Variants in GMDS observed in about 807,000 individuals in gnomAD.
GMDS encodes GDP-mannose 4,6 dehydratase.
GMDS carries 20 observed loss-of-function variants against 49.9 expected under a neutral mutation model. The observed-to-expected ratio is 0.40, with a 90% CI of 0.28 to 0.58. The LOEUF is 0.58. Ranked by LOEUF, GMDS falls within the 20% of genes least tolerant of loss-of-function variation. GMDS has a pLI of 0.42. For synonymous variants in GMDS, 177 were observed against 178.6 expected (o/e 0.99, Z 0.07); for missense variants, 362 against 481.4 (o/e 0.75, Z 2.32).
At chr6:1,713,366 C>T (rs1766047133) in intron 9 of GMDS, among the ~76,000 whole-genome samples, 1 of 152,224 alleles carries the variant, frequency 6.6e-6, no homozygotes, top group Admixed American at 6.5e-5. Flanking sequence ...GACGACTAGG[C>T]ACAGGCCCTG....
intron 4 of GMDS, among the ~76,000 whole-genome samples, chr6:2,096,248 C>T (rs765869519): frequency 2.0e-5 from 3 of 151,964 alleles, no homozygotes; most frequent in Non-Finnish European, 4.4e-5. Flanking sequence ...TAAAAAGAGG[C>T]GTGAAATGAA....
At chr6:2,057,720 G>T (rs569757534) in intron 4 of GMDS, among the ~76,000 whole-genome samples, 4 of 152,132 alleles carry the variant, frequency 2.6e-5, no homozygotes, top group Non-Finnish European at 5.9e-5. Context: ...ATAATTCATG[G>T]AATTCTTATT....
intron 4 of GMDS, among the ~76,000 whole-genome samples, chr6:1,969,079 G>A (rs1467666693): frequency 6.6e-6 from 1 of 151,692 alleles, no homozygotes; most frequent in East Asian, 1.9e-4. Flanking sequence ...GGCTAACACG[G>A]TGAAACCCCA....
intron 4 of GMDS, among the ~76,000 whole-genome samples, chr6:2,081,408 A>G (rs969114571): frequency 6.6e-6 from 1 of 152,084 alleles, no homozygotes; most frequent in Non-Finnish European, 1.5e-5. Context: ...AGGACCACAC[A>G]AAGTCTTTCA....
At chr6:2,006,545 A>G (rs1467914441) in intron 4 of GMDS, among the ~76,000 whole-genome samples, 2 of 152,178 alleles carry the variant, frequency 1.3e-5, no homozygotes, top group African/African-American at 4.8e-5. Context: ...TGCATTTCTT[A>G]ACAACTGCCA....
chr6:1,773,875 G>C (rs1768682239), intron 7 of GMDS, among the ~76,000 whole-genome samples: 1 of 152,204 alleles, frequency 6.6e-6, no homozygotes, highest in Non-Finnish European at 1.5e-5. Context: ...AACAGTTTAT[G>C]AGTATCTCAG....
chr6:2,235,885 G>A (rs1399799106), intron 1 of GMDS, among the ~76,000 whole-genome samples: 1 of 151,654 alleles, frequency 6.6e-6, no homozygotes, highest in Non-Finnish European at 1.5e-5. Flanking sequence ...TAAGTTTCAG[G>A]AACAAGGCAA....
intron 6 of GMDS, among the ~76,000 whole-genome samples, chr6:1,955,662 T>C (rs898320298): frequency 2.0e-5 from 3 of 152,018 alleles, no homozygotes; most frequent in Admixed American, 6.5e-5. Context: ...TTTCCAACTG[T>C]TGATCTGATG....
At chr6:2,113,547 T>C (rs1312412990) in intron 4 of GMDS, among the ~76,000 whole-genome samples, 2 of 151,890 alleles carry the variant, frequency 1.3e-5, no homozygotes, top group African/African-American at 4.8e-5. Flanking sequence ...TCTCTTTGCC[T>C]CATATTATTA....
chr6:1,868,455 T>C (rs1758551049), intron 7 of GMDS, among the ~76,000 whole-genome samples: 1 of 152,190 alleles, frequency 6.6e-6, no homozygotes. Flanking sequence ...GTTGAATGCA[T>C]TTAGTTTCCC....
intron 1 of GMDS, among the ~76,000 whole-genome samples, chr6:2,177,192 A>G (rs1194803146): frequency 6.6e-6 from 1 of 152,198 alleles, no homozygotes; most frequent in Non-Finnish European, 1.5e-5. Flanking sequence ...TACTTCACCT[A>G]AGGGCAGACT....
At chr6:1,978,998 C>A (rs1042910952) in intron 4 of GMDS, among the ~76,000 whole-genome samples, 2 of 152,096 alleles carry the variant, frequency 1.3e-5, no homozygotes, top group Non-Finnish European at 2.9e-5. Context: ...TAAAAACAAA[C>A]AAACATACAA....
chr6:1,761,647 T>C (rs368565416), intron 7 of GMDS, among the ~76,000 whole-genome samples: 2 of 152,216 alleles, frequency 1.3e-5, no homozygotes, highest in Non-Finnish European at 2.9e-5. Flanking sequence ...AATTTAATGT[T>C]GTATTTTTTT....
chr6:2,144,369 T>C (rs545127571), intron 1 of GMDS, among the ~76,000 whole-genome samples: 19 of 152,182 alleles, frequency 1.2e-4, no homozygotes, highest in African/African-American at 4.6e-4. Flanking sequence ...CGCCTCAGGC[T>C]GGTGAGAGGC....
At chr6:1,814,934 GAAAGGTGTCTATTTCA>G (rs1770592596) in intron 7 of GMDS, among the ~76,000 whole-genome samples, 1 of 152,170 alleles carries the variant, frequency 6.6e-6, no homozygotes, top group South Asian at 2.1e-4. Flanking sequence ...ACTAAGGAAA[GAAAGGTGTCTATTTCA>G]AATCAAATAT....
chr6:2,109,398 T>C (rs1774421396), intron 4 of GMDS, among the ~76,000 whole-genome samples: 1 of 152,138 alleles, frequency 6.6e-6, no homozygotes, highest in Non-Finnish European at 1.5e-5. Context: ...AGTAGATATC[T>C]AGGGAAAAAG....
chr6:2,043,802 C>T (rs763149057), intron 4 of GMDS, among the ~76,000 whole-genome samples: 1 of 151,754 alleles, frequency 6.6e-6, no homozygotes, highest in African/African-American at 2.4e-5. Flanking sequence ...TTTTTGCAAA[C>T]TATACATCTA....
At chr6:1,647,852 C>T (rs1050042430) in intron 9 of GMDS, among the ~76,000 whole-genome samples, 6 of 152,192 alleles carry the variant, frequency 3.9e-5, no homozygotes, top group South Asian at 2.1e-4. Context: ...CGACACTGTA[C>T]TGATCCCTCC....
intron 4 of GMDS, among the ~76,000 whole-genome samples, chr6:2,106,635 G>C (rs1260684765): frequency 6.6e-6 from 1 of 152,118 alleles, no homozygotes; most frequent in Non-Finnish European, 1.5e-5. Flanking sequence ...GGCCAAGGCA[G>C]GTGGATCACC....
Sources: gnomAD v4.1 joint callset for allele counts (sites outside exome capture counted in the v4.1 genomes callset) on GRCh38, gnomAD v4.1.1 for gene constraint, MANE v1.5 for transcripts, NCBI Gene and HGNC (gene_info 2026-07-23, HGNC 2026-07-21) for gene names.